The following PTPRD variants were observed in gnomAD, a reference collection of about 807,000 sequenced individuals.
PTPRD encodes the protein receptor-type tyrosine-protein phosphatase delta.
A neutral mutation model predicts 214.5 loss-of-function variants in PTPRD; 34 were observed. That is an observed-to-expected ratio of 0.16 (90% CI 0.12 to 0.21). The LOEUF is 0.21. Ranked by LOEUF, PTPRD falls within the 10% of genes least tolerant of loss-of-function variation. The pLI, the probability that PTPRD is intolerant of heterozygous loss-of-function variation, is 1.00. For missense variants in PTPRD, 2,545 were observed against 2,398.7 expected, an observed-to-expected ratio of 1.06 and a Z score of -1.27; for synonymous variants, 1,128 against 845.7, an observed-to-expected ratio of 1.33 and a Z score of -5.79.
chr9:9,004,915 G>T (rs1000731975), intron 11 of PTPRD, among the ~76,000 whole-genome samples: 2 of 152,030 alleles, frequency 1.3e-5, no homozygotes, highest in Non-Finnish European at 2.9e-5. Flanking sequence ...TTGTTCAATT[G>T]ACCAGGGCAC....
intron 3 of PTPRD, among the ~76,000 whole-genome samples, chr9:10,101,736 C>T (rs1041458879): frequency 6.6e-6 from 1 of 151,620 alleles, no homozygotes; most frequent in Non-Finnish European, 1.5e-5. Flanking sequence ...GTGTATTGTG[C>T]AATGGAAAGG....
intron 9 of PTPRD, among the ~76,000 whole-genome samples, chr9:9,208,106 C>T (rs2099946133): frequency 1.4e-5 from 2 of 139,778 alleles, no homozygotes; most frequent in Non-Finnish European, 3.0e-5. Flanking sequence ...GCTCCGCCTC[C>T]CGTGTTCATG....
At chr9:9,703,849 C>A (rs2097546722) in intron 7 of PTPRD, among the ~76,000 whole-genome samples, 1 of 152,008 alleles carries the variant, frequency 6.6e-6, no homozygotes, top group Non-Finnish European at 1.5e-5. Context: ...ATATAGAATG[C>A]AATAAACTTT....
At chr9:8,804,936 T>G (rs1330063458) in intron 11 of PTPRD, among the ~76,000 whole-genome samples, 3 of 152,140 alleles carry the variant, frequency 2.0e-5, no homozygotes, top group African/African-American at 7.2e-5. Flanking sequence ...TGAAAGAGAA[T>G]CCTGGTGAAT....
chr9:9,041,872 A>G (rs187950663), intron 10 of PTPRD, among the ~76,000 whole-genome samples: 1 of 152,312 alleles, frequency 6.6e-6, no homozygotes, highest in African/African-American at 2.4e-5. Context: ...AGGAAAAATA[A>G]AAGTTTACAT....
rs1027738411 is a variant in PTPRD, at chr9:9,805,873, TAAG to T, written c.-367-39025_-367-39023del. Reference sequence around the variant, plus strand: ...TAGAAACAACATTAACAGACTTCTGTAAGAAGAACAGAAAGAAGAAAAGGCACA... The same window carrying T: ...TAGAAACAACATTAACAGACTTCTGTAAGAACAGAAAGAAGAAAAGGCACA... On this transcript the variant is annotated intron_variant, in intron 5 of 45. Coordinates refer to ENST00000381196, the MANE Select transcript of PTPRD (RefSeq NM_002839.4). Among the ~76,000 whole-genome samples the T allele has an allele frequency of 2.4e-4, 36 of 152,032 alleles. 1 individual carries two copies. The highest frequency in any genetic ancestry group is 8.4e-4 in the African/African-American group (35 of 41,454).
At chr9:8,471,780 A>C (rs905672199) in intron 30 of PTPRD, among the ~76,000 whole-genome samples, 1 of 152,162 alleles carries the variant, frequency 6.6e-6, no homozygotes, top group Non-Finnish European at 1.5e-5. Context: ...GAGAACAGTC[A>C]ACTAAAATTT....
chr9:10,388,116 T>G (rs2097961316), intron 2 of PTPRD, among the ~76,000 whole-genome samples: 1 of 151,714 alleles, frequency 6.6e-6, no homozygotes, highest in Non-Finnish European at 1.5e-5. Flanking sequence ...ATTTCTCTCC[T>G]CAAAGAGTTA....
At chr9:9,101,304 G>A (rs912840829) in intron 10 of PTPRD, among the ~76,000 whole-genome samples, 1 of 152,122 alleles carries the variant, frequency 6.6e-6, no homozygotes, top group Non-Finnish European at 1.5e-5. Context: ...GGGATATTAG[G>A]TAGATAGTAG....
intron 9 of PTPRD, among the ~76,000 whole-genome samples, chr9:9,208,774 T>C (rs2099946590): frequency 6.6e-6 from 1 of 151,774 alleles, no homozygotes; most frequent in African/African-American, 2.4e-5. Flanking sequence ...GGTCTCAAAC[T>C]ACAAAGAAGA....
intron 7 of PTPRD, among the ~76,000 whole-genome samples, chr9:9,725,004 C>T (rs2098053989): frequency 6.6e-6 from 1 of 152,118 alleles, no homozygotes. Flanking sequence ...CCTACTTTGT[C>T]ACCCACATTA....
At chr9:9,952,784 C>T (rs954235310) in intron 4 of PTPRD, among the ~76,000 whole-genome samples, 1 of 152,100 alleles carries the variant, frequency 6.6e-6, no homozygotes, top group African/African-American at 2.4e-5. Context: ...TGTCATGAAC[C>T]TCCAGTTAGA....
At chr9:9,010,360 C>G (rs2099505121) in intron 11 of PTPRD, among the ~76,000 whole-genome samples, 1 of 152,252 alleles carries the variant, frequency 6.6e-6, no homozygotes, top group African/African-American at 2.4e-5. Context: ...CATTGACATG[C>G]TATAGGATAT....
rs183205764 is a variant in PTPRD at position 10,416,036 on chromosome 9, T to C, written c.-599-75019A>G. Among the ~76,000 whole-genome samples the C allele has an allele frequency of 9.9e-5, 15 of 151,512 alleles. 1 individual carries two copies. The highest frequency in any genetic ancestry group is 7.3e-4 in the Admixed American group (11 of 15,170). On this transcript the variant is annotated intron_variant, in intron 2 of 45. Coordinates refer to ENST00000381196, the MANE Select transcript of PTPRD (RefSeq NM_002839.4). ...ACAACAGAGACATTTTTTTCAAAGA[T>C]AAGAAAAAAGTGTTTAAAAATACAA...
intron 11 of PTPRD, chr9:8,860,973 T>C (rs954130287): frequency 6.6e-6 from 1 of 152,140 alleles, no homozygotes; most frequent in African/African-American, 2.4e-5. Flanking sequence ...TTTTTAAAAC[T>C]CCAAATACTT....
chr9:8,628,597 C>T (rs1595622840), intron 14 of PTPRD, among the ~76,000 whole-genome samples: 2 of 149,376 alleles, frequency 1.3e-5, no homozygotes, highest in Non-Finnish European at 3.0e-5. Flanking sequence ...CCAAGGCCTT[C>T]CCAATGCATA....
chr9:9,737,225 T>C (rs913059855), intron 6 of PTPRD, among the ~76,000 whole-genome samples: 1 of 152,140 alleles, frequency 6.6e-6, no homozygotes, highest in African/African-American at 2.4e-5. Context: ...TTCTAGACAT[T>C]TGTGTGTTCC....
chr9:9,955,679 A>G (rs552381215), intron 4 of PTPRD, among the ~76,000 whole-genome samples: 538 of 152,112 alleles, frequency 3.5e-3, no homozygotes, highest in Non-Finnish European at 6.1e-3. Flanking sequence ...GCCCGCCACC[A>G]TGCCCGACTA....
At chr9:10,411,994 C>G (rs1256193506) in intron 2 of PTPRD, among the ~76,000 whole-genome samples, 1 of 151,704 alleles carries the variant, frequency 6.6e-6, no homozygotes, top group Non-Finnish European at 1.5e-5. Flanking sequence ...AATTAGCATG[C>G]ATTTAGACCT....
Sources: gnomAD v4.1 joint callset for allele counts (sites outside exome capture counted in the v4.1 genomes callset) on GRCh38, gnomAD v4.1.1 for gene constraint, MANE v1.5 for transcripts, NCBI Gene and HGNC (gene_info 2026-07-23, HGNC 2026-07-21) for gene names.